ATF7IP: variants seen among roughly 807,000 people sequenced by gnomAD.
The protein encoded by ATF7IP is activating transcription factor 7-interacting protein 1.
In ATF7IP, 23 loss-of-function variants were observed where a neutral mutation model predicts 106.4. The ratio of observed to expected loss-of-function variants is 0.22; its 90% confidence interval spans 0.16 to 0.31. ATF7IP has a LOEUF of 0.31. ATF7IP is among the 10% of genes least tolerant of loss of function. The probability of loss-of-function intolerance (pLI) is 1.00; values close to 1 mark genes in which losing one functional copy is unlikely to be tolerated. For missense variants in ATF7IP, 1,334 were observed against 1,524.3 expected (o/e 0.88, Z 2.08); for synonymous variants, 542 against 539.0 (o/e 1.01, Z -0.08).
At chr12:14,403,320 CAG>C (rs1940363723) in intron 1 of ATF7IP, among the ~76,000 whole-genome samples, 1 of 151,660 alleles carries the variant, frequency 6.6e-6, no homozygotes, top group African/African-American at 2.4e-5. Context: ...AATGGAAAAA[CAG>C]TGCAGTTTAG....
At chr12:14,415,490 A>G (rs1442123329) in intron 1 of ATF7IP, among the ~76,000 whole-genome samples, 1 of 152,182 alleles carries the variant, frequency 6.6e-6, no homozygotes, top group Non-Finnish European at 1.5e-5. Context: ...AACCTTGTCT[A>G]GGGAATTGTT....
At chr12:14,484,361 A>C (rs920427402) in intron 13 of ATF7IP, among the ~76,000 whole-genome samples, 1 of 152,188 alleles carries the variant, frequency 6.6e-6, no homozygotes. Context: ...GATTATTAAT[A>C]TCCTCCTCTG....
chr12:14,455,750 AATTTTTGT>A (rs1943400707), intron 6 of ATF7IP, among the ~76,000 whole-genome samples: 1 of 151,536 alleles, frequency 6.6e-6, no homozygotes, highest in East Asian at 1.9e-4. Flanking sequence ...ACGCCTGGCT[AATTTTTGT>A]ATTTTTTTTT....
At chr12:14,484,067 G>A (rs752857332) in intron 13 of ATF7IP, among the ~76,000 whole-genome samples, 1 of 152,076 alleles carries the variant, frequency 6.6e-6, no homozygotes, top group Non-Finnish European at 1.5e-5. Context: ...GATGGAAGAG[G>A]TCCAGTATAA....
At chr12:14,449,607 A>G (rs1204387182) in intron 6 of ATF7IP, among the ~76,000 whole-genome samples, 2 of 119,734 alleles carry the variant, frequency 1.7e-5, no homozygotes, top group East Asian at 2.8e-4. Flanking sequence ...AATATGTAAT[A>G]TGTTTTCAAA....
intron 13 of ATF7IP, among the ~76,000 whole-genome samples, chr12:14,485,717 G>C (rs879601200): frequency 2.6e-4 from 39 of 152,180 alleles, no homozygotes; most frequent in Non-Finnish European, 5.3e-4. Flanking sequence ...TGGAGAAAAA[G>C]GATTTGCCAA....
chr12:14,399,097 C>T (rs1449826272), intron 1 of ATF7IP, among the ~76,000 whole-genome samples: 1 of 152,050 alleles, frequency 6.6e-6, no homozygotes, highest in African/African-American at 2.4e-5. Flanking sequence ...TTATTTCAGC[C>T]TGCTCAAGAG....
At chr12:14,449,058 C>T (rs565965244) in intron 6 of ATF7IP, among the ~76,000 whole-genome samples, 1 of 152,148 alleles carries the variant, frequency 6.6e-6, no homozygotes, top group South Asian at 2.1e-4. Flanking sequence ...AATATTGACT[C>T]TTATATAAAT....
At chr12:14,480,431 T>G (rs1432241439) in intron 12 of ATF7IP, among the ~76,000 whole-genome samples, 1 of 152,182 alleles carries the variant, frequency 6.6e-6, no homozygotes, top group Non-Finnish European at 1.5e-5. Context: ...AAGTCTGTTG[T>G]TTAATGGATT....
In ATF7IP at chr12:14,406,565, A is replaced by G. The variant is rs188075406; in HGVS notation, c.-7-17344A>G. Among the ~76,000 whole-genome samples, 65 of 151,452 alleles carry G rather than the reference A, an allele frequency of 4.3e-4. No homozygotes were observed. In the East Asian group the frequency reaches 0.012, roughly 28 times the overall value. ...AAATATAATTGTGGTTAAATTTTGG[A>G]TATCTGTTGCATATGAATGTAACAT... On this transcript the variant is annotated intron_variant, in intron 1 of 14. Coordinates refer to ENST00000261168, the MANE Select transcript of ATF7IP (RefSeq NM_018179.5).
At chr12:14,486,567 C>T (rs1944622161) in intron 13 of ATF7IP, among the ~76,000 whole-genome samples, 1 of 152,084 alleles carries the variant, frequency 6.6e-6, no homozygotes, top group East Asian at 1.9e-4. Context: ...GTTCCATTGA[C>T]CTAGAAGTTT....
intron 1 of ATF7IP, among the ~76,000 whole-genome samples, chr12:14,379,313 G>A (rs181050189): frequency 6.6e-6 from 1 of 151,952 alleles, no homozygotes; most frequent in East Asian, 1.9e-4. Context: ...AATTTCCTGA[G>A]CCCCCACCCC....
At chr12:14,475,138 G>A (rs117687716) in intron 10 of ATF7IP, among the ~76,000 whole-genome samples, 386 of 152,190 alleles carry the variant, frequency 2.5e-3, no homozygotes, top group Middle Eastern at 0.014. Flanking sequence ...TTAAGCAATT[G>A]CCATGTATCA....
At chr12:14,497,464 A>G (rs1945046200) in intron 14 of ATF7IP, among the ~76,000 whole-genome samples, 190 bp from the exon 15 acceptor site, 3 of 152,206 alleles carry the variant, frequency 2.0e-5, no homozygotes, top group Admixed American at 2.0e-4. Context: ...CCTCAGCATC[A>G]TTGTTTGTAG....
At chr12:14,443,657 GT>G (rs1477631786) in intron 5 of ATF7IP, among the ~76,000 whole-genome samples, 1 of 152,144 alleles carries the variant, frequency 6.6e-6, no homozygotes, top group African/African-American at 2.4e-5. Flanking sequence ...TTCTACCAAA[GT>G]TGAGAATGAG....
intron 10 of ATF7IP, among the ~76,000 whole-genome samples, chr12:14,466,801 G>A (rs1943850309): frequency 6.6e-6 from 1 of 151,996 alleles, no homozygotes; most frequent in Non-Finnish European, 1.5e-5. Context: ...TTCTCTTAGA[G>A]GTAATAATTA....
intron 1 of ATF7IP, among the ~76,000 whole-genome samples, chr12:14,418,490 A>G (rs1459303330): frequency 6.6e-6 from 1 of 152,160 alleles, no homozygotes; most frequent in African/African-American, 2.4e-5. Context: ...AGTTTTATGA[A>G]TGGCATCTTA....
intron 10 of ATF7IP, among the ~76,000 whole-genome samples, chr12:14,468,133 G>A (rs557634136): frequency 1.0e-3 from 156 of 151,958 alleles, no homozygotes; most frequent in African/African-American, 3.6e-3. Flanking sequence ...CTGGTGTGGT[G>A]ACGGGCACCT....
chr12:14,429,560 T>G (rs1053919905), intron 2 of ATF7IP, among the ~76,000 whole-genome samples: 2 of 152,224 alleles, frequency 1.3e-5, no homozygotes, highest in African/African-American at 4.8e-5. Context: ...CCTTGTTCAT[T>G]GGATCTTTAA....
Sources: gnomAD v4.1 joint callset for allele counts (sites outside exome capture counted in the v4.1 genomes callset) on GRCh38, gnomAD v4.1.1 for gene constraint, MANE v1.5 for transcripts, NCBI Gene and HGNC (gene_info 2026-07-23, HGNC 2026-07-21) for gene names.